Variants in XRCC4 observed in about 807,000 individuals in gnomAD.
XRCC4 encodes the protein X-ray repair cross complementing 4.
XRCC4 carries 28 observed loss-of-function variants against 39.1 expected under a neutral mutation model. That is an observed-to-expected ratio of 0.72 (90% CI 0.53 to 0.98). The LOEUF (loss-of-function observed/expected upper bound fraction) is 0.98. Among genes scored for constraint, XRCC4 ranks in the 50% least tolerant of loss-of-function variants. XRCC4 has a pLI of 0.00. For missense variants in XRCC4, 350 were observed against 376.4 expected (o/e 0.93, Z 0.58); for synonymous variants, 123 against 126.4 (o/e 0.97, Z 0.18).
chr5:83,121,989 G>C (rs967202237), intron 3 of XRCC4, among the ~76,000 whole-genome samples: 1 of 152,042 alleles, frequency 6.6e-6, no homozygotes. Flanking sequence ...AACCACGTGT[G>C]TATTGGTCTA....
At chr5:83,130,646 A>C (rs1047058328) in intron 3 of XRCC4, among the ~76,000 whole-genome samples, 2 of 152,092 alleles carry the variant, frequency 1.3e-5, no homozygotes, top group Non-Finnish European at 2.9e-5. Context: ...TCAATTTCAG[A>C]ACCTGTTATT....
chr5:83,246,762 A>G (rs1286798645), intron 6 of XRCC4, among the ~76,000 whole-genome samples: 6 of 152,158 alleles, frequency 3.9e-5, no homozygotes, highest in African/African-American at 9.7e-5. Context: ...AAAATTATCA[A>G]TCCTTTAAAG....
intron 7 of XRCC4, among the ~76,000 whole-genome samples, chr5:83,274,366 C>T (rs1000400271): frequency 6.6e-6 from 1 of 152,158 alleles, no homozygotes; most frequent in East Asian, 1.9e-4. Flanking sequence ...AACTTTTGTA[C>T]CTTCCCTGCT....
chr5:83,278,069 A>G (rs1264732437), intron 7 of XRCC4, among the ~76,000 whole-genome samples: 1 of 152,210 alleles, frequency 6.6e-6, no homozygotes, highest in Non-Finnish European at 1.5e-5. Context: ...TAGCTCATCA[A>G]TTTGCCAGTC....
intron 3 of XRCC4, among the ~76,000 whole-genome samples, chr5:83,119,957 G>A (rs1746918358): frequency 6.8e-6 from 1 of 146,014 alleles, no homozygotes; most frequent in Non-Finnish European, 1.5e-5. Context: ...ACTGCAGCCT[G>A]TCCAGCCTGG....
chr5:83,171,910 C>T (rs1308365917), intron 3 of XRCC4, among the ~76,000 whole-genome samples: 2 of 152,124 alleles, frequency 1.3e-5, no homozygotes, highest in African/African-American at 4.8e-5. Context: ...TTGAATAGTA[C>T]TAATTTTACT....
At chr5:83,190,796 C>G (rs533908119) in intron 3 of XRCC4, among the ~76,000 whole-genome samples, 7 of 152,030 alleles carry the variant, frequency 4.6e-5, no homozygotes, top group Non-Finnish European at 7.4e-5. Flanking sequence ...TATAACTATA[C>G]ATTCTTTAAA....
At chr5:83,116,901 C>T in intron 3 of XRCC4, among the ~76,000 whole-genome samples, 1 of 151,994 alleles carries the variant, frequency 6.6e-6, no homozygotes, top group East Asian at 1.9e-4. Context: ...GGATTATAGG[C>T]ATGAGTCACT....
At chr5:83,360,344 C>G in the XRCC4 span, among the ~76,000 whole-genome samples, 1 of 152,054 alleles carries the variant, frequency 6.6e-6, no homozygotes, top group East Asian at 1.9e-4. Context: ...TAGGGAAATT[C>G]AACCAGGTGA....
chr5:83,256,638 T>TAA (rs5869173), intron 6 of XRCC4, among the ~76,000 whole-genome samples: 4 of 141,680 alleles, frequency 2.8e-5, no homozygotes, highest in Admixed American at 7.1e-5. Context: ...TGAATGTGTT[T>TAA]AAAAAAAAAA....
At chr5:83,322,483 C>T (rs1028451632) in intron 7 of XRCC4, among the ~76,000 whole-genome samples, 5 of 152,108 alleles carry the variant, frequency 3.3e-5, no homozygotes, top group East Asian at 1.9e-4. Context: ...GGCTGAATAA[C>T]CACTCCCTCC....
intron 7 of XRCC4, among the ~76,000 whole-genome samples, chr5:83,313,094 T>TA (rs1755762075): frequency 6.6e-6 from 1 of 150,414 alleles, no homozygotes; most frequent in African/African-American, 2.4e-5. Context: ...TTTTTTTTTT[T>TA]TACAATAAAA....
intron 3 of XRCC4, among the ~76,000 whole-genome samples, chr5:83,178,863 C>T (rs903523891): frequency 6.6e-6 from 1 of 152,148 alleles, no homozygotes; most frequent in Admixed American, 6.6e-5. Context: ...CGCTATTTCT[C>T]AGTTGTAATT....
chr5:83,145,623 TCTC>T (rs1258987596), intron 3 of XRCC4, among the ~76,000 whole-genome samples: 2 of 152,174 alleles, frequency 1.3e-5, no homozygotes, highest in Non-Finnish European at 2.9e-5. Flanking sequence ...TTAGAGCTTC[TCTC>T]CTCTGCTTCT....
At chr5:83,308,612 A>G (rs1172163168) in intron 7 of XRCC4, among the ~76,000 whole-genome samples, 2 of 152,196 alleles carry the variant, frequency 1.3e-5, no homozygotes, top group Non-Finnish European at 2.9e-5. Flanking sequence ...TTCTAAGAAC[A>G]TGTAGGTACT....
chr5:83,121,774 T>C (rs1747022114), intron 3 of XRCC4, among the ~76,000 whole-genome samples: 1 of 152,230 alleles, frequency 6.6e-6, no homozygotes, highest in Non-Finnish European at 1.5e-5. Flanking sequence ...CATTTTTGCC[T>C]AACTTGTTGC....
chr5:83,314,399 C>A (rs554955322), intron 7 of XRCC4, among the ~76,000 whole-genome samples: 2 of 152,024 alleles, frequency 1.3e-5, no homozygotes, highest in Non-Finnish European at 2.9e-5. Flanking sequence ...TTCTCTACAT[C>A]CATAATGGAA....
At chr5:83,227,650 G>T (rs962335464) in intron 6 of XRCC4, among the ~76,000 whole-genome samples, 1 of 151,986 alleles carries the variant, frequency 6.6e-6, no homozygotes, top group Non-Finnish European at 1.5e-5. Context: ...TCAATTATAG[G>T]TAATAATAAA....
chr5:83,359,969 TAATAGAGTGAA>T, the XRCC4 span, among the ~76,000 whole-genome samples: 8,246 of 152,234 alleles, frequency 0.054, 319 homozygotes, highest in African/African-American at 0.11. Context: ...CAGATTTTAG[TAATAGAGTGAA>T]ATGTCTGTGA....
Sources: gnomAD v4.1 joint callset for allele counts (sites outside exome capture counted in the v4.1 genomes callset) on GRCh38, gnomAD v4.1.1 for gene constraint, MANE v1.5 for transcripts, NCBI Gene and HGNC (gene_info 2026-07-23, HGNC 2026-07-21) for gene names.